ERC1: variants seen among roughly 807,000 people sequenced by gnomAD.
ERC1 encodes ELKS/RAB6-interacting/CAST family member 1.
In ERC1, 56 loss-of-function variants were observed where a neutral mutation model predicts 132.0. The observed-to-expected ratio is 0.42, with a 90% CI of 0.34 to 0.53. The LOEUF (loss-of-function observed/expected upper bound fraction) is 0.53. Among genes scored for constraint, ERC1 ranks in the 20% least tolerant of loss-of-function variants. ERC1 has a pLI of 0.03. For synonymous variants in ERC1, 478 were observed against 476.1 expected, an observed-to-expected ratio of 1.00 and a Z score of -0.05; for missense variants, 1,202 against 1,349.9, an observed-to-expected ratio of 0.89 and a Z score of 1.72.
rs1209546124 is a variant in ERC1, at chr12:1,494,469, CA to C, written c.*4240del. On this transcript the variant is annotated 3_prime_UTR_variant, in exon 19 of 19. Coordinates refer to ENST00000360905, the MANE Select transcript of ERC1 (RefSeq NM_178040.4). ...TACTCTTCTTGCAAGAAAAGACATA[CA>C]TTACAGGGAAATCCTTCTGAACAAA... 26 of 231,914 alleles carry C rather than the reference CA, an allele frequency of 1.1e-4. No homozygotes were observed. The highest frequency in any genetic ancestry group is 5.5e-4 in the African/African-American group (25 of 45,228). 14.4% of individuals were successfully genotyped at this position (231,914 alleles called of 1,614,324 possible).
chr12:1,462,842 C>T (rs1303717532), intron 18 of ERC1, among the ~76,000 whole-genome samples: 1 of 152,192 alleles, frequency 6.6e-6, no homozygotes, highest in Non-Finnish European at 1.5e-5. Context: ...TACTCCGCCT[C>T]CAGTCTCCTT....
intron 14 of ERC1, among the ~76,000 whole-genome samples, chr12:1,282,890 C>T (rs2078778538): frequency 6.6e-6 from 1 of 152,118 alleles, no homozygotes; most frequent in Non-Finnish European, 1.5e-5. Context: ...CTCCCTTTTT[C>T]TTCTAATTGT....
chr12:1,112,936 T>C (rs1946046606), intron 6 of ERC1, among the ~76,000 whole-genome samples: 1 of 152,204 alleles, frequency 6.6e-6, no homozygotes, highest in Admixed American at 6.5e-5. Context: ...TCTGTGGATT[T>C]GCATCTGTGT....
At chr12:1,415,620 A>G (rs941323679) in intron 17 of ERC1, among the ~76,000 whole-genome samples, 6 of 152,236 alleles carry the variant, frequency 3.9e-5, no homozygotes, top group African/African-American at 1.4e-4. Context: ...GAATACATCC[A>G]TAGAAGGGAG....
At chr12:1,408,789 C>A (rs998383557) in intron 17 of ERC1, among the ~76,000 whole-genome samples, 8 of 152,174 alleles carry the variant, frequency 5.3e-5, no homozygotes, top group Non-Finnish European at 1.5e-5. Context: ...CCTTCAACTT[C>A]TCATCAATGC....
intron 12 of ERC1, among the ~76,000 whole-genome samples, chr12:1,230,954 T>TA (rs1280611858): frequency 6.6e-6 from 1 of 152,202 alleles, no homozygotes; most frequent in Non-Finnish European, 1.5e-5. Flanking sequence ...TGTGTGTCCT[T>TA]ACAGCTAAAG....
intron 3 of ERC1, among the ~76,000 whole-genome samples, chr12:1,094,509 C>A (rs533127926): frequency 4.0e-5 from 6 of 151,088 alleles, no homozygotes; most frequent in Admixed American, 2.0e-4. Context: ...CACCTGGGTT[C>A]AAGTGATTCT....
intron 12 of ERC1, among the ~76,000 whole-genome samples, chr12:1,225,524 T>C (rs2074512254): frequency 6.6e-6 from 1 of 150,794 alleles, no homozygotes; most frequent in Non-Finnish European, 1.5e-5. Context: ...ATGAGGGTAA[T>C]GAATTTCTTG....
chr12:1,353,320 G>A (rs978054178), intron 15 of ERC1, among the ~76,000 whole-genome samples: 5 of 152,082 alleles, frequency 3.3e-5, no homozygotes, highest in East Asian at 1.9e-4. Context: ...GTGAGCCACC[G>A]CGCCCGGCCT....
chr12:1,134,380 T>C (rs1949053408), intron 7 of ERC1, among the ~76,000 whole-genome samples: 1 of 151,946 alleles, frequency 6.6e-6, no homozygotes. Flanking sequence ...AGTGTCTTGC[T>C]TTGCTACCAA....
chr12:1,061,757 C>G (rs1295205295), intron 2 of ERC1, among the ~76,000 whole-genome samples: 6 of 151,510 alleles, frequency 4.0e-5, no homozygotes, highest in African/African-American at 4.9e-5. Flanking sequence ...CTCTTTCTCT[C>G]TCTCTGGTTT....
At chr12:1,138,170 T>C (rs1316806549) in intron 7 of ERC1, among the ~76,000 whole-genome samples, 1 of 120,916 alleles carries the variant, frequency 8.3e-6, no homozygotes, top group South Asian at 2.4e-4. Flanking sequence ...TATATATAAT[T>C]GTATATAATA....
chr12:1,091,041 G>A (rs1216577245), intron 3 of ERC1, among the ~76,000 whole-genome samples: 2 of 151,952 alleles, frequency 1.3e-5, no homozygotes, highest in African/African-American at 4.8e-5. Flanking sequence ...GGGACAACAG[G>A]CGTGCACAAG....
intron 13 of ERC1, among the ~76,000 whole-genome samples, chr12:1,248,086 G>A (rs1046306303): frequency 1.3e-5 from 2 of 152,198 alleles, no homozygotes; most frequent in Non-Finnish European, 2.9e-5. Flanking sequence ...ATGTAATATG[G>A]CTATTATCAG....
chr12:1,195,474 A>G (rs1368984522), intron 12 of ERC1, among the ~76,000 whole-genome samples: 1 of 152,204 alleles, frequency 6.6e-6, no homozygotes, highest in Non-Finnish European at 1.5e-5. Context: ...GGATAATAGC[A>G]TTCTCTTTCT....
intron 12 of ERC1, among the ~76,000 whole-genome samples, chr12:1,220,392 T>A (rs991736659): frequency 3.3e-5 from 5 of 152,224 alleles, no homozygotes; most frequent in Non-Finnish European, 7.3e-5. Context: ...ATTTGCTGAA[T>A]AGATGTGCGA....
intron 18 of ERC1, among the ~76,000 whole-genome samples, chr12:1,454,706 A>G (rs2093493933): frequency 6.6e-6 from 1 of 152,134 alleles, no homozygotes; most frequent in Admixed American, 6.5e-5. Context: ...TTTTTCAACT[A>G]CAGTGGCACA....
intron 14 of ERC1, among the ~76,000 whole-genome samples, chr12:1,285,399 T>G (rs537276978): frequency 6.6e-6 from 1 of 152,278 alleles, no homozygotes; most frequent in Non-Finnish European, 1.5e-5. Flanking sequence ...AAATTCATTC[T>G]TTGAAAACAC....
chr12:1,284,950 G>A (rs750062357), intron 14 of ERC1, among the ~76,000 whole-genome samples: 42 of 152,104 alleles, frequency 2.8e-4, no homozygotes, highest in Non-Finnish European at 4.9e-4. Context: ...TTTGGTTTGC[G>A]TTTCTTTGAT....
Sources: allele counts gnomAD v4.1 joint callset (sites outside exome capture counted in the v4.1 genomes callset), GRCh38; gene constraint gnomAD v4.1.1; transcripts MANE v1.5; gene names NCBI Gene and HGNC (gene_info 2026-07-23, HGNC 2026-07-21).